WWOX: variants seen among roughly 807,000 people sequenced by gnomAD.
WWOX encodes WW domain containing oxidoreductase.
A neutral mutation model predicts 46.2 loss-of-function variants in WWOX; 69 were observed. That is an observed-to-expected ratio of 1.49 (90% CI 1.23 to 1.82). The LOEUF is 1.82. WWOX is among the 40% of genes most tolerant of loss of function. WWOX has a pLI of 0.00. For missense variants in WWOX, 919 were observed against 542.6 expected (o/e 1.69, Z -6.89); for synonymous variants, 359 against 202.6 (o/e 1.77, Z -6.56).
At chr16:78,246,013 C>T (rs1050074393) in intron 5 of WWOX, among the ~76,000 whole-genome samples, 2 of 152,176 alleles carry the variant, frequency 1.3e-5, no homozygotes, top group African/African-American at 4.8e-5. Flanking sequence ...CTCATTCTCC[C>T]TGAATGGTAA....
chr16:78,816,007 T>C (rs2051320845), intron 8 of WWOX, among the ~76,000 whole-genome samples: 1 of 152,192 alleles, frequency 6.6e-6, no homozygotes, highest in Non-Finnish European at 1.5e-5. Context: ...TCAATCACCC[T>C]AGAACTGTAA....
At chr16:78,837,345 C>A (rs1458690159) in intron 8 of WWOX, among the ~76,000 whole-genome samples, 1 of 152,194 alleles carries the variant, frequency 6.6e-6, no homozygotes, top group Non-Finnish European at 1.5e-5. Flanking sequence ...TATTCCCTAA[C>A]CCTCACCCAG....
chr16:78,758,004 C>G (rs985356276), intron 8 of WWOX, among the ~76,000 whole-genome samples: 3 of 152,076 alleles, frequency 2.0e-5, no homozygotes, highest in African/African-American at 7.2e-5. Flanking sequence ...AGCCAGGATG[C>G]TCTTTTTCAA....
Position 79,212,244 on chromosome 16 carries a change from A to T in WWOX, c.*448A>T. On this transcript the variant is annotated 3_prime_UTR_variant, in exon 9 of 9. Transcript: ENST00000566780. The stretch of plus-strand genomic sequence containing the variant: ...GTGTTCACTGCTCCTTGCTGCATTG[A>T]TCCAGGAGATAATTGTTTCATTCAT... The T allele has an allele frequency of 2.2e-6, 3 of 1,341,306 alleles. No individual in the cohort carries two copies. Among genetic ancestry groups the T allele is most frequent in the Non-Finnish European group, 3.0e-6 (3 of 1,015,018 alleles). 83.1% of individuals were successfully genotyped at this position (1,341,306 alleles called of 1,614,324 possible).
chr16:78,560,082 A>G (rs1013379372), intron 8 of WWOX, among the ~76,000 whole-genome samples: 1 of 152,100 alleles, frequency 6.6e-6, no homozygotes. Context: ...TTACAAGGCC[A>G]TTTTTTTCTC....
chr16:78,320,636 C>G (rs1176996744), intron 5 of WWOX, among the ~76,000 whole-genome samples: 1 of 152,200 alleles, frequency 6.6e-6, no homozygotes, highest in African/African-American at 2.4e-5. Flanking sequence ...CAGCAGGCTG[C>G]ACCTAGGGGA....
At chr16:78,855,345 C>G (rs1425843480) in intron 8 of WWOX, among the ~76,000 whole-genome samples, 3 of 152,002 alleles carry the variant, frequency 2.0e-5, no homozygotes, top group Admixed American at 2.0e-4. Flanking sequence ...GAGTGGGTGT[C>G]TAATTTAGTG....
chr16:78,144,886 A>G (rs1384094018), intron 4 of WWOX, among the ~76,000 whole-genome samples: 2 of 152,148 alleles, frequency 1.3e-5, no homozygotes, highest in Non-Finnish European at 2.9e-5. Context: ...TTCTTTTAAT[A>G]AGAATTTGCT....
At chr16:78,432,872 G>C (rs1402155578) in intron 8 of WWOX, 120 bp downstream of exon 8, 1 of 1,501,628 alleles carries the variant, frequency 6.7e-7, no homozygotes, top group African/African-American at 1.4e-5. Context: ...ACATTGTCCA[G>C]CCCATCATAA....
At chr16:78,818,275 TTTCCAGTGTGGACAAG>T (rs1363017461) in intron 8 of WWOX, among the ~76,000 whole-genome samples, 2 of 152,188 alleles carry the variant, frequency 1.3e-5, no homozygotes, top group African/African-American at 4.8e-5. Flanking sequence ...GCCCATCTAC[TTTCCAGTGTGGACAAG>T]TTCCAGCTCC....
chr16:78,506,959 C>A (rs2085223612), intron 8 of WWOX, among the ~76,000 whole-genome samples: 1 of 152,118 alleles, frequency 6.6e-6, no homozygotes, highest in South Asian at 2.1e-4. Context: ...AGTGATCCTC[C>A]CACCTCAGCT....
intron 5 of WWOX, among the ~76,000 whole-genome samples, chr16:78,263,994 A>ATTTTTTTTTTT (rs1597419237): frequency 2.4e-4 from 10 of 41,462 alleles, no homozygotes; most frequent in African/African-American, 4.2e-4. Flanking sequence ...TGGCTGTGAA[A>ATTTTTTTTTTT]TCTTTTTTTT....
At chr16:78,319,462 A>G (rs2080421279) in intron 5 of WWOX, among the ~76,000 whole-genome samples, 1 of 151,776 alleles carries the variant, frequency 6.6e-6, no homozygotes, top group South Asian at 2.1e-4. Context: ...GGGTTTCATC[A>G]TGTTGCCCAG....
At chr16:78,332,445 G>T (rs1180816517) in intron 5 of WWOX, among the ~76,000 whole-genome samples, 1 of 152,220 alleles carries the variant, frequency 6.6e-6, no homozygotes, top group Non-Finnish European at 1.5e-5. Flanking sequence ...TGTATGGGCT[G>T]CATGAATTCC....
chr16:78,698,403 A>T lies in WWOX; in HGVS notation c.1056+265651A>T, dbSNP rs911057738. On this transcript the variant is annotated intron_variant, in intron 8 of 8. Coordinates refer to ENST00000566780, the MANE Select transcript of WWOX (RefSeq NM_016373.4). ...AGGTTTCGCTACATTTTGAAAATTA[A>T]AATTCATTTCATTCGCATTACAGAT... 6.6e-5 allele frequency among the ~76,000 whole-genome samples: 10 copies of T among 152,318 alleles called. No individual in the cohort carries two copies. In the East Asian group the frequency reaches 1.9e-3, roughly 29 times the overall value.
chr16:79,065,479 C>T (rs1246127779), intron 8 of WWOX, among the ~76,000 whole-genome samples: 1 of 152,150 alleles, frequency 6.6e-6, no homozygotes, highest in African/African-American at 2.4e-5. Context: ...AGCCTCAGTT[C>T]CAGTTGAATC....
At chr16:79,058,452 A>G (rs1597334447) in intron 8 of WWOX, among the ~76,000 whole-genome samples, 1 of 152,034 alleles carries the variant, frequency 6.6e-6, no homozygotes, top group Non-Finnish European at 1.5e-5. Context: ...ATGTAGTGAG[A>G]GAAGGAAGGA....
intron 8 of WWOX, among the ~76,000 whole-genome samples, chr16:78,835,797 C>G (rs916997088): frequency 1.3e-5 from 2 of 152,170 alleles, no homozygotes; most frequent in African/African-American, 4.8e-5. Flanking sequence ...TAGCAGACAT[C>G]TAGAAAAATG....
At chr16:78,485,987 C>G (rs927767832) in intron 8 of WWOX, among the ~76,000 whole-genome samples, 1 of 152,162 alleles carries the variant, frequency 6.6e-6, no homozygotes, top group African/African-American at 2.4e-5. Flanking sequence ...ACCTAGGAGT[C>G]CATGTAGTTG....
Sources: allele counts gnomAD v4.1 joint callset (sites outside exome capture counted in the v4.1 genomes callset), GRCh38; gene constraint gnomAD v4.1.1; transcripts MANE v1.5; gene names NCBI Gene and HGNC (gene_info 2026-07-23, HGNC 2026-07-21).